Variants in KPNA7 observed in about 807,000 individuals in gnomAD.
KPNA7 encodes karyopherin subunit alpha 7.
A neutral mutation model predicts 53.7 loss-of-function variants in KPNA7; 54 were observed. The ratio of observed to expected loss-of-function variants is 1.01; its 90% CI spans 0.81 to 1.26. The LOEUF is 1.26. KPNA7 is among the 50% of genes most tolerant of loss of function. The pLI, the probability that KPNA7 is intolerant of heterozygous loss-of-function variation, is 0.00. For synonymous variants in KPNA7, 276 were observed against 259.3 expected (o/e 1.06, Z -0.62); for missense variants, 640 against 644.5 (o/e 0.99, Z 0.07).
chr7:99,147,901 C>A, the KPNA7 span, among the ~76,000 whole-genome samples: 1 of 151,822 alleles, frequency 6.6e-6, no homozygotes, highest in South Asian at 2.1e-4. Flanking sequence ...TCTGTAGTCC[C>A]AGCTACTCAG....
At chr7:99,149,779 TG>T in the KPNA7 span, among the ~76,000 whole-genome samples, 2 of 152,178 alleles carry the variant, frequency 1.3e-5, no homozygotes, top group Non-Finnish European at 2.9e-5. Flanking sequence ...AGCATCAAGT[TG>T]TTTTTTGTTG....
the KPNA7 span, among the ~76,000 whole-genome samples, chr7:99,166,963 AAT>A: frequency 6.6e-6 from 1 of 152,214 alleles, no homozygotes; most frequent in Non-Finnish European, 1.5e-5. Flanking sequence ...TTTTCTGAAG[AAT>A]GTTCTGCATT....
chr7:99,213,908 C>T (rs1043883459), intron 1 of KPNA7, among the ~76,000 whole-genome samples: 2 of 151,974 alleles, frequency 1.3e-5, no homozygotes, highest in Non-Finnish European at 2.9e-5. Flanking sequence ...TGCACCTGGC[C>T]CAAAACATTT....
At chr7:99,171,700 G>A (rs189872868), downstream of KPNA7, among the ~76,000 whole-genome samples, 13 of 152,314 alleles carry the variant, frequency 8.5e-5, no homozygotes, top group African/African-American at 3.1e-4. Context: ...GCCCTGAGCT[G>A]AGCTGTGATG....
rs1008416092 is a variant in KPNA7, at chr7:99,182,025, G to A, written c.1175C>T (p.Ala392Val). 88 of 1,546,846 alleles carry A rather than the reference G, an allele frequency of 5.7e-5. No homozygotes were observed. Among genetic ancestry groups the A allele is most frequent in the Admixed American group, 2.6e-4 (13 of 50,770 alleles). Residue 392 changes from alanine to valine, a missense_variant, in exon 9 of 11, where the codon GCG (alanine) becomes GTG (valine). By Grantham distance (64) the Ala-to-Val change is moderately conservative (BLOSUM62 0). Coordinates refer to ENST00000327442, the MANE Select transcript of KPNA7 (RefSeq NM_001145715.3). ...KVQKEAVWMVANFATGATMDQ... is the reference protein window; with the variant it reads ...KVQKEAVWMVVNFATGATMDQ... The stretch of plus-strand genomic sequence containing the variant: ...CATGGTGGCCCCTGTTGCAAAGTTC[G>A]CCACCATCCAGACAGCCTCTTTCTG...
chr7:99,190,701 G>C (rs1415374178), intron 6 of KPNA7, among the ~76,000 whole-genome samples: 4 of 150,084 alleles, frequency 2.7e-5, no homozygotes, highest in Non-Finnish European at 5.9e-5. Flanking sequence ...CATCACCCAG[G>C]CTGGAGTGCA....
downstream of KPNA7, among the ~76,000 whole-genome samples, chr7:99,169,091 G>A (rs113378211): frequency 0.013 from 2,024 of 152,204 alleles, 53 homozygotes; most frequent in African/African-American, 0.047. Flanking sequence ...GGGAGGCGGC[G>A]GTTGCAGTGA....
At chr7:99,153,571 T>C in the KPNA7 span, among the ~76,000 whole-genome samples, 62 of 150,914 alleles carry the variant, frequency 4.1e-4, no homozygotes, top group Admixed American at 7.9e-4. Context: ...AAAAAGATCG[T>C]TCTTGATCTT....
At chr7:99,177,094 T>C (rs951563519) in intron 10 of KPNA7, among the ~76,000 whole-genome samples, 1 of 152,112 alleles carries the variant, frequency 6.6e-6, no homozygotes, top group African/African-American at 2.4e-5. Flanking sequence ...ATCTTGAAGA[T>C]GGTATGCCAA....
At chr7:99,171,728 C>T (rs555812853), downstream of KPNA7, among the ~76,000 whole-genome samples, 1 of 152,176 alleles carries the variant, frequency 6.6e-6, no homozygotes, top group Non-Finnish European at 1.5e-5. Flanking sequence ...TGCACTCCAG[C>T]CTGGGCGACA....
intron 10 of KPNA7, among the ~76,000 whole-genome samples, chr7:99,174,311 T>G (rs552615592): frequency 1.3e-5 from 2 of 152,320 alleles, no homozygotes; most frequent in South Asian, 4.2e-4. Context: ...GATCGTCTAG[T>G]TGCAGGAAAA....
At chr7:99,170,467 T>A (rs1563060743), downstream of KPNA7, among the ~76,000 whole-genome samples, 2 of 1,318 alleles carry the variant, frequency 1.5e-3, no homozygotes, top group Non-Finnish European at 4.6e-3. Flanking sequence ...TCCGTTTCAG[T>A]GGGAAAAAAA....
intron 1 of KPNA7, among the ~76,000 whole-genome samples, chr7:99,215,333 C>CTA (rs1209339658): frequency 1.6e-5 from 2 of 129,006 alleles, no homozygotes; most frequent in Admixed American, 9.8e-5. Flanking sequence ...GATGGTGCCA[C>CTA]TGCACTCCAG....
the KPNA7 span, among the ~76,000 whole-genome samples, chr7:99,154,409 G>A: frequency 6.6e-6 from 1 of 152,052 alleles, no homozygotes; most frequent in Non-Finnish European, 1.5e-5. Flanking sequence ...GATTACATGT[G>A]TAAGCCACCA....
intron 9 of KPNA7, among the ~76,000 whole-genome samples, chr7:99,178,697 C>T (rs36182417): frequency 2.9e-5 from 4 of 139,574 alleles, no homozygotes; most frequent in Non-Finnish European, 4.5e-5. Context: ...CTCAAGCAAT[C>T]TTCCTGCCTT....
the KPNA7 span, among the ~76,000 whole-genome samples, chr7:99,163,860 C>G: frequency 2.6e-5 from 4 of 152,148 alleles, no homozygotes; most frequent in Non-Finnish European, 5.9e-5. Context: ...CTTAAGATCC[C>G]TCAGTCTCAA....
At chr7:99,217,624 T>A (rs1248170164) in intron 1 of KPNA7, among the ~76,000 whole-genome samples, 1 of 17,042 alleles carries the variant, frequency 5.9e-5, no homozygotes, top group Non-Finnish European at 4.0e-4. Flanking sequence ...CTTGCCTTTT[T>A]TTTTTTTTTT....
the KPNA7 span, among the ~76,000 whole-genome samples, chr7:99,161,148 C>T: frequency 6.6e-6 from 1 of 151,764 alleles, no homozygotes; most frequent in Non-Finnish European, 1.5e-5. Flanking sequence ...AGGCGTGAGC[C>T]ACCATGCCTT....
Position 99,200,800 on chromosome 7 carries a change from A to T in KPNA7, c.201+2306T>A, listed in dbSNP as rs191417039. On this transcript the variant is annotated intron_variant, in intron 3 of 10. Coordinates refer to ENST00000327442, the MANE Select transcript of KPNA7 (RefSeq NM_001145715.3). Reference sequence around the variant, plus strand: ...AGACCAGCCTGAACAACATGGTGAAACCCCATCTCTACTAAAATATAAAAT... The same window carrying T: ...AGACCAGCCTGAACAACATGGTGAATCCCCATCTCTACTAAAATATAAAAT... 7.2e-5 allele frequency among the ~76,000 whole-genome samples: 11 copies of T among 152,130 alleles called. No homozygotes were observed. In the East Asian group the frequency reaches 1.9e-3, roughly 27 times the overall value.
Sources: allele counts gnomAD v4.1 joint callset (sites outside exome capture counted in the v4.1 genomes callset), GRCh38; gene constraint gnomAD v4.1.1; transcripts MANE v1.5; gene names NCBI Gene and HGNC (gene_info 2026-07-23, HGNC 2026-07-21).